The following ZNF160 variants were observed in gnomAD, a reference collection of about 807,000 sequenced individuals.
The protein encoded by ZNF160 is KRAB zinc finger protein KR18.
Under a neutral mutation model 13.1 loss-of-function variants are expected in ZNF160, and 9 were observed. The ratio of observed to expected loss-of-function variants is 0.69; its 90% confidence interval spans 0.41 to 1.20. The LOEUF (loss-of-function observed/expected upper bound fraction) is 1.20. ZNF160 is among the 50% of genes most tolerant of loss of function. The probability of loss-of-function intolerance (pLI) is 0.01; values close to 1 mark genes in which losing one functional copy is unlikely to be tolerated. For synonymous variants in ZNF160, 293 were observed against 333.2 expected (o/e 0.88, Z 1.31); for missense variants, 838 against 988.0 (o/e 0.85, Z 2.04).
At chr19:53,102,261 T>C (rs977433737) in intron 1 of ZNF160, among the ~76,000 whole-genome samples, 6 of 152,166 alleles carry the variant, frequency 3.9e-5, no homozygotes, top group Non-Finnish European at 7.3e-5. Flanking sequence ...TCCTCTGCTC[T>C]CCCTGTTAAA....
chr19:53,069,400 G>A lies in ZNF160; in HGVS notation c.1134C>T (p.Phe378=). Residue 378 remains phenylalanine (F), a synonymous_variant, in exon 6 of 6, where the codon TTC becomes TTT. Coordinates refer to ENST00000683776, the MANE Select transcript of ZNF160 (RefSeq NM_001322131.2). The surrounding 1 kb of genome is among the most constrained non-coding windows in gnomAD (Gnocchi z 4.4). ...PFKCNECGKL[F]TQNSHLISHW... is the part of the protein sequence containing the mutation. ...GACTTATAAGGTGTGAATTTTGAGT[G>A]AAGAGCTTGCCACATTCATTACATT... 1.9e-6 allele frequency: 3 copies of A among 1,614,092 alleles called. No homozygotes were observed. The highest frequency in any genetic ancestry group is 2.5e-6 in the Non-Finnish European group (3 of 1,180,016).
chr19:53,082,758 C>G (rs900749608), intron 3 of ZNF160, among the ~76,000 whole-genome samples: 4 of 152,188 alleles, frequency 2.6e-5, no homozygotes, highest in African/African-American at 9.7e-5. Context: ...CAGACACCGC[C>G]TGGGTATCCT....
At chr19:53,093,643 C>CA (rs2085116489) in intron 1 of ZNF160, 1 of 151,972 alleles carries the variant, frequency 6.6e-6, no homozygotes, top group Non-Finnish European at 1.5e-5. Context: ...CCCATCTATA[C>CA]AAAAAAATTT....
chr19:53,070,057 C>T lies in ZNF160; in HGVS notation c.477G>A (p.Gln159=), dbSNP rs2084109677. Residue 159 remains glutamine, a synonymous_variant, in exon 6 of 6, where the codon CAG becomes CAA. Coordinates refer to ENST00000683776, the MANE Select transcript of ZNF160 (RefSeq NM_001322131.2). ...TGNYKGVLMA[Q]KEGKRDQRDR... ...CGCGTTGATCTCTTTTACCTTCTTTCTGGGCCATAAGCACTCCCTTGTAAT... is the reference window on the plus strand; with the variant it reads ...CGCGTTGATCTCTTTTACCTTCTTTTTGGGCCATAAGCACTCCCTTGTAAT... 1 of 1,614,038 alleles carries T rather than the reference C, an allele frequency of 6.2e-7. No homozygotes were observed. Among genetic ancestry groups the T allele is most frequent in the Non-Finnish European group, 8.5e-7 (1 of 1,179,974 alleles).
rs1049077167 is a variant in ZNF160, at chr19:53,068,340, G to A, written c.2194C>T (p.Pro732Ser). ...THQAIHTGKK[P>S]YKCNECGKVF... is the part of the protein sequence containing the mutation. ...TTGCCACATTCATTACATTTGTAAGGTTTTTTCCCAGTATGGATTGCCTGA... is the reference window on the plus strand; with the variant it reads ...TTGCCACATTCATTACATTTGTAAGATTTTTTCCCAGTATGGATTGCCTGA... Residue 732 changes from proline to serine, a missense_variant, in exon 6 of 6, where the codon CCT becomes TCT. Pro to Ser is a moderately conservative substitution (Grantham distance 74, BLOSUM62 -1). Coordinates refer to ENST00000683776, the MANE Select transcript of ZNF160 (RefSeq NM_001322131.2). The A allele has an allele frequency of 6.2e-7, 1 of 1,614,126 alleles. No individual in the cohort carries two copies. Among genetic ancestry groups the A allele is most frequent in the Non-Finnish European group, 8.5e-7 (1 of 1,180,038 alleles).
intron 1 of ZNF160, among the ~76,000 whole-genome samples, chr19:53,098,633 A>C (rs542613936): frequency 1.4e-4 from 21 of 151,996 alleles, no homozygotes; most frequent in East Asian, 3.9e-4. Context: ...AGTCCCCTGC[A>C]AAATTCCCCC....
At chr19:53,084,520 C>T (rs2084757710) in intron 3 of ZNF160, among the ~76,000 whole-genome samples, 1 of 152,108 alleles carries the variant, frequency 6.6e-6, no homozygotes. Context: ...CAGGGTGAGA[C>T]CCTGTCTCAA....
intron 1 of ZNF160, among the ~76,000 whole-genome samples, chr19:53,101,574 GAA>G (rs750828325): frequency 3.3e-5 from 5 of 152,070 alleles, no homozygotes; most frequent in Non-Finnish European, 7.4e-5. Flanking sequence ...ATTACATATA[GAA>G]AAAGAGACTG....
chr19:53,100,084 T>C (rs1337482550), intron 1 of ZNF160, among the ~76,000 whole-genome samples: 2 of 152,168 alleles, frequency 1.3e-5, no homozygotes, highest in Non-Finnish European at 2.9e-5. Flanking sequence ...TGTGAAAACA[T>C]GGCTATTGGT....
At chr19:53,083,126 A>G (rs1288544531) in intron 3 of ZNF160, among the ~76,000 whole-genome samples, 2 of 152,182 alleles carry the variant, frequency 1.3e-5, no homozygotes, top group Non-Finnish European at 2.9e-5. Flanking sequence ...ACCTAAACTG[A>G]AGCTCTCTGA....
At chr19:53,070,567 C>A (rs1163390269) in intron 5 of ZNF160, among the ~76,000 whole-genome samples, 1 of 152,032 alleles carries the variant, frequency 6.6e-6, no homozygotes, top group Non-Finnish European at 1.5e-5. Context: ...CCCGCCACCA[C>A]GCCTGGCTAA....
At chr19:53,078,020 T>A (rs1600839486) in intron 3 of ZNF160, among the ~76,000 whole-genome samples, 1 of 152,076 alleles carries the variant, frequency 6.6e-6, no homozygotes, top group Admixed American at 6.5e-5. Flanking sequence ...GGCGGGCGGA[T>A]CACGAGGTCA....
rs140327785 is a variant in ZNF160, at chr19:53,069,560, T to C, written c.974A>G (p.Asn325Ser). The C allele has an allele frequency of 1.2e-6, 2 of 1,614,214 alleles. No individual in the cohort carries two copies. The highest frequency in any genetic ancestry group is 8.5e-7 in the Non-Finnish European group (1 of 1,180,036). The stretch of plus-strand genomic sequence containing the variant: ...TCGCCGATGAGTTGCAAGGTATGAA[T>C]TGTGCCTGAAGACCTTGCCACACTC... ...CHECGKVFRH[N>S]SYLATHRRIH... Residue 325 changes from asparagine to serine, a missense_variant, in exon 6 of 6, where the codon AAT becomes AGT. Physicochemically the swap from Asn to Ser is conservative, Grantham distance 46 (BLOSUM62 1). This residue lies in a region of ZNF160 where 387 missense variants were observed against 402.3 expected (regional missense o/e 0.96). Transcript: ENST00000683776. This position sits in a 1 kb window ranked among gnomAD's most constrained non-coding sequence, Gnocchi z 4.4.
In ZNF160 at chr19:53,075,805, G is replaced by C. The variant is rs532528549; in HGVS notation, c.16-622C>G. ...AAGCAAACTAATCAATTTCAAGGAG[G>C]GGGTCATCAGAATTCACAATTCACA... is the stretch of plus-strand genomic sequence containing the variant. On this transcript the variant is annotated intron_variant, in intron 3 of 5. Transcript: ENST00000683776. The C allele has an allele frequency of 1.6e-4, 84 of 518,912 alleles. 1 individual carries two copies. The highest frequency in any genetic ancestry group is 9.9e-4 in the South Asian group (71 of 71,574). 32.1% of individuals were successfully genotyped at this position (518,912 alleles called of 1,614,324 possible).
chr19:53,079,762 GC>G (rs35181729), intron 3 of ZNF160, among the ~76,000 whole-genome samples: 1,547 of 151,742 alleles, frequency 0.01, 11 homozygotes, highest in Non-Finnish European at 0.015. Context: ...CCTAGCCAGA[GC>G]AATCAGGCGA....
chr19:53,100,553 T>C (rs1392374034), intron 1 of ZNF160, among the ~76,000 whole-genome samples: 2 of 151,610 alleles, frequency 1.3e-5, no homozygotes, highest in African/African-American at 4.9e-5. Context: ...GAGCTTGCAG[T>C]GAGCCGAGAT....
rs754888652 is a variant in ZNF160, at chr19:53,070,277, G to A, written c.272-15C>T. 2 of 1,533,930 alleles carry A rather than the reference G, an allele frequency of 1.3e-6. No homozygotes were observed. Among genetic ancestry groups the A allele is most frequent in the African/African-American group, 2.8e-5 (2 of 71,816 alleles). On this transcript the variant is annotated splice_polypyrimidine_tract_variant and intron_variant, in intron 5 of 5. Transcript: ENST00000683776. ...AGGAGGGATATCTACAAGATATAAA[G>A]AACCACATAATTTCCAATTAATTAC...
chr19:53,080,150 A>C (rs1466097880), intron 3 of ZNF160, among the ~76,000 whole-genome samples: 1 of 148,692 alleles, frequency 6.7e-6, no homozygotes, highest in Non-Finnish European at 1.5e-5. Context: ...CTTGTTGCCC[A>C]GGCTGGAGTG....
rs1438104605 is a variant in ZNF160, at chr19:53,075,990, T to G, written c.16-807A>C. 4 of 268,766 alleles carry G rather than the reference T, an allele frequency of 1.5e-5. No individual in the cohort carries two copies. The East Asian group carries it at 4.0e-4, about 27-fold the overall frequency. 16.6% of individuals were successfully genotyped at this position (268,766 alleles called of 1,614,324 possible). On this transcript the variant is annotated intron_variant, in intron 3 of 5. Transcript: ENST00000683776. The stretch of plus-strand genomic sequence containing the variant: ...AATATGAGAACACCCATTTGGTGTC[T>G]GTTGCAGAATTGTTTATTTGATGTG...
Sources: allele counts gnomAD v4.1 joint callset (sites outside exome capture counted in the v4.1 genomes callset), GRCh38; gene constraint gnomAD v4.1.1; regional missense constraint gnomAD v4.1.1; non-coding constraint Gnocchi (gnomAD v3.1); transcripts MANE v1.5; gene names NCBI Gene and HGNC (gene_info 2026-07-23, HGNC 2026-07-21).